CRAMP1: variants seen among roughly 807,000 people sequenced by gnomAD.
The protein encoded by CRAMP1 is cramped chromatin regulator 1.
Under a neutral mutation model 115.4 loss-of-function variants are expected in CRAMP1, and 50 were observed. The ratio of observed to expected loss-of-function variants is 0.43; its 90% CI spans 0.35 to 0.55. The LOEUF (loss-of-function observed/expected upper bound fraction) is 0.55. CRAMP1 is among the 20% of genes least tolerant of loss of function. CRAMP1 has a pLI of 0.01. For missense variants in CRAMP1, 1,679 were observed against 1,721.7 expected (o/e 0.98, Z 0.44); for synonymous variants, 866 against 745.4 (o/e 1.16, Z -2.64).
chr16:1,620,061 C>T (rs531740958), intron 2 of CRAMP1, among the ~76,000 whole-genome samples: 2 of 152,286 alleles, frequency 1.3e-5, no homozygotes, highest in South Asian at 4.2e-4. Flanking sequence ...TCCGAGATGA[C>T]ACCTTGCCTG....
intron 3 of CRAMP1, 134 bp downstream of exon 3, chr16:1,626,300 G>A: frequency 1.4e-6 from 1 of 694,290 alleles, no homozygotes; most frequent in Non-Finnish European, 2.1e-6. Context: ...AGTGGCGGAG[G>A]CTGATGTGGG....
chr16:1,618,623 A>G (rs376441047), intron 2 of CRAMP1, among the ~76,000 whole-genome samples: 8 of 151,978 alleles, frequency 5.3e-5, no homozygotes, highest in African/African-American at 1.7e-4. Flanking sequence ...CTGAAGTGAC[A>G]GTCGTTTGTG....
intron 2 of CRAMP1, among the ~76,000 whole-genome samples, chr16:1,625,070 T>G (rs2036498017): frequency 6.6e-6 from 1 of 152,142 alleles, no homozygotes; most frequent in Non-Finnish European, 1.5e-5. Context: ...GTTTGAAGGT[T>G]TCCCAGCTTT....
At chr16:1,668,492 C>T (rs981893636) in intron 18 of CRAMP1, among the ~76,000 whole-genome samples, 4 of 152,198 alleles carry the variant, frequency 2.6e-5, no homozygotes, top group African/African-American at 9.7e-5. Flanking sequence ...TGATCTTGAA[C>T]CTGAGCAGGC....
chr16:1,645,775 G>A (rs13333329), intron 6 of CRAMP1, among the ~76,000 whole-genome samples: 31,845 of 152,036 alleles, frequency 0.21, 5,762 homozygotes, highest in African/African-American at 0.47. Context: ...CACCTTTCCC[G>A]GAGTGTCGTC....
At chr16:1,652,660 G>A in intron 7 of CRAMP1, 79 bp downstream of exon 7, 2 of 1,293,278 alleles carry the variant, frequency 1.5e-6, no homozygotes, top group Non-Finnish European at 1.1e-6. Context: ...TGAGCTACCG[G>A]GTTGCTGCCA....
At chr16:1,650,863 C>G (rs897803050) in intron 6 of CRAMP1, among the ~76,000 whole-genome samples, 1 of 152,244 alleles carries the variant, frequency 6.6e-6, no homozygotes, top group Admixed American at 6.5e-5. Flanking sequence ...TTGTAAAACA[C>G]AAGCCCATTG....
intron 20 of CRAMP1, among the ~76,000 whole-genome samples, chr16:1,673,150 C>T (rs1440999143): frequency 6.6e-6 from 1 of 151,120 alleles, no homozygotes; most frequent in East Asian, 2.0e-4. Flanking sequence ...CCCCAGCTGT[C>T]CTCATGTCTA....
intron 10 of CRAMP1, among the ~76,000 whole-genome samples, chr16:1,657,475 T>C (rs2036786233): frequency 6.6e-6 from 1 of 152,220 alleles, no homozygotes; most frequent in South Asian, 2.1e-4. Flanking sequence ...CTGGCTTATC[T>C]AATCACTGTT....
chr16:1,616,023 T>TCAACCGAAGAAGGCTGG (rs1255051402), intron 2 of CRAMP1, among the ~76,000 whole-genome samples: 5 of 152,342 alleles, frequency 3.3e-5, no homozygotes, highest in Non-Finnish European at 7.3e-5. Context: ...TGCCGCATTC[T>TCAACCGAAGAAGGCTGG]CAACCGAAGA....
At position 1,614,708 on chromosome 16, in the gene CRAMP1, C is replaced by T. The variant is rs1176458529; in HGVS notation, c.69C>T (p.Ala23=). ...DGLKKLGKRA[A]DEESLEGEGA... is the part of the protein sequence containing the mutation. ...TCAAGAAGCTGGGCAAGCGGGCGGCCGATGAGGAGTCCCTGGAAGGAGAAG... is the reference window on the plus strand; with the variant it reads ...TCAAGAAGCTGGGCAAGCGGGCGGCTGATGAGGAGTCCCTGGAAGGAGAAG... Residue 23 remains alanine, a synonymous_variant, in exon 2 of 21, where the codon GCC becomes GCT. Coordinates refer to ENST00000397412, the MANE Select transcript of CRAMP1 (RefSeq NM_020825.4). The surrounding 1 kb of genome is among the most constrained non-coding windows in gnomAD (Gnocchi z 4.4). 6.7e-6 allele frequency: 9 copies of T among 1,344,368 alleles called. No individual in the cohort carries two copies. In the African/African-American group the frequency reaches 7.6e-5, roughly 11 times the overall value. 83.3% of individuals were successfully genotyped at this position (1,344,368 alleles called of 1,614,324 possible). A position where few individuals can be genotyped will look rare whatever the true frequency, so the allele number is the denominator to read the frequency against.
Position 1,672,822 on chromosome 16 carries a change from G to C in CRAMP1, c.3646-1059G>C, listed in dbSNP as rs1325315704. ...TCATGGGACAAGATCCCGGTGCCGAGGCCCTCCCGTCCTCCGTCTCCTCAG... is the reference window on the plus strand; with the variant it reads ...TCATGGGACAAGATCCCGGTGCCGACGCCCTCCCGTCCTCCGTCTCCTCAG... On this transcript the variant is annotated intron_variant, in intron 20 of 20. Transcript: ENST00000397412. This position sits in a 1 kb window ranked among gnomAD's most constrained non-coding sequence, Gnocchi z 4.9. Among the ~76,000 whole-genome samples, 1 of 152,204 alleles carries C rather than the reference G, an allele frequency of 6.6e-6. No individual in the cohort carries two copies. Among genetic ancestry groups the C allele is most frequent in the Non-Finnish European group, 1.5e-5 (1 of 68,042 alleles).
At chr16:1,651,157 AAGGTGGACTGAGGTCACGGAG>A (rs1296698872) in intron 6 of CRAMP1, among the ~76,000 whole-genome samples, 9 of 151,780 alleles carry the variant, frequency 5.9e-5, no homozygotes, top group East Asian at 2.0e-4. Flanking sequence ...AGGTCACGAA[AAGGTGGACTGAGGTCACGGAG>A]AGGTGGACTG....
chr16:1,648,919 CG>C (rs1388250644), intron 6 of CRAMP1, among the ~76,000 whole-genome samples: 6 of 149,816 alleles, frequency 4.0e-5, no homozygotes, highest in African/African-American at 1.5e-4. Flanking sequence ...ATTAGCTGGG[CG>C]TGGTGGCAGG....
rs890991518 is a variant in CRAMP1 at position 1,655,806 on chromosome 16, G to C, written c.1120-71G>C. On this transcript the variant is annotated intron_variant, in intron 9 of 20. Coordinates refer to ENST00000397412, the MANE Select transcript of CRAMP1 (RefSeq NM_020825.4). ...CCAGTGGGGAGCGTGGCTCGTGTCT[G>C]TACCCATGTGCCTGGTCAGCATCCC... 3 of 1,528,696 alleles carry C rather than the reference G, an allele frequency of 2.0e-6. No homozygotes were observed. The African/African-American group carries it at 4.1e-5, about 21-fold the overall frequency. 94.7% of individuals were successfully genotyped at this position (1,528,696 alleles called of 1,614,324 possible). A position where few individuals can be genotyped will look rare whatever the true frequency, so the allele number is the denominator to read the frequency against.
chr16:1,625,976 C>T lies in CRAMP1; in HGVS notation c.350C>T (p.Ala117Val). The T allele has an allele frequency of 7.1e-6, 11 of 1,551,608 alleles. No individual in the cohort carries two copies. Among genetic ancestry groups the T allele is most frequent in the Middle Eastern group, 1.7e-4 (1 of 5,990 alleles). The change falls in exon 3 of 21, where the codon GCT becomes GTT. Residue 117 changes from alanine (A) to valine (V), a missense_variant. Physicochemically the swap from Ala to Val is moderately conservative, Grantham distance 64. Around this residue, in one of 8 missense-constraint regions of CRAMP1, gnomAD observed 264 missense variants for 229.7 expected, o/e 1.15. Transcript: ENST00000397412. ...TGTACGGTGCTTTCTCTCCAAGGAG[C>T]TGAAGGTGGTGGATCATCGTCTGGA... is the stretch of plus-strand genomic sequence containing the variant. ...AGGSGPRGKG[A>V]EGGGSSSGNV...
chr16:1,627,210 A>G (rs947990522), intron 3 of CRAMP1, among the ~76,000 whole-genome samples: 1 of 151,726 alleles, frequency 6.6e-6, no homozygotes, highest in African/African-American at 2.4e-5. Context: ...CAGTGGTGCA[A>G]TCTGGGCTCA....
At chr16:1,613,539 C>G (rs1324748168) in intron 1 of CRAMP1, among the ~76,000 whole-genome samples, 1 of 152,218 alleles carries the variant, frequency 6.6e-6, no homozygotes, top group Non-Finnish European at 1.5e-5. Flanking sequence ...TGCTTCCTCA[C>G]ACGTGCCCGT....
intron 1 of CRAMP1, among the ~76,000 whole-genome samples, chr16:1,613,978 T>C (rs770415044): frequency 6.6e-6 from 1 of 151,812 alleles, no homozygotes; most frequent in African/African-American, 2.4e-5. Context: ...CACCATGGAG[T>C]TCCCCGTGCG....
Sources: gnomAD v4.1 joint callset for allele counts (sites outside exome capture counted in the v4.1 genomes callset) on GRCh38, gnomAD v4.1.1 for gene constraint, gnomAD v4.1.1 regional missense constraint, Gnocchi (gnomAD v3.1) non-coding constraint, MANE v1.5 for transcripts, NCBI Gene and HGNC (gene_info 2026-07-23, HGNC 2026-07-21) for gene names.